TLL1: variants seen among roughly 807,000 people sequenced by gnomAD.
TLL1 encodes the protein tolloid-like protein 1.
TLL1 carries 49 observed loss-of-function variants against 128.2 expected under a neutral mutation model. The observed-to-expected ratio is 0.38, with a 90% CI of 0.30 to 0.48. The LOEUF is 0.48. TLL1 is among the 20% of genes least tolerant of loss of function. The pLI, the probability that TLL1 is intolerant of heterozygous loss-of-function variation, is 0.96. For synonymous variants in TLL1, 454 were observed against 418.8 expected (o/e 1.08, Z -1.03); for missense variants, 1,123 against 1,242.0 (o/e 0.90, Z 1.44).
Position 165,925,555 on chromosome 4 carries a change from A to C in TLL1, c.169+51482A>C, listed in dbSNP as rs565308783. On this transcript the variant is annotated intron_variant, in intron 1 of 20. Coordinates refer to ENST00000061240, the MANE Select transcript of TLL1 (RefSeq NM_012464.5). The stretch of plus-strand genomic sequence containing the variant: ...TGAGCAAAGAAAGGGGTTTCTTGAG[A>C]TAGAATATACCCCAGGTGAAGATGC... 3.3e-5 allele frequency among the ~76,000 whole-genome samples: 5 copies of C among 152,342 alleles called. No homozygotes were observed. In the East Asian group the frequency reaches 9.6e-4, roughly 29 times the overall value.
intron 1 of TLL1, among the ~76,000 whole-genome samples, chr4:165,909,235 C>T (rs1732414542): frequency 6.6e-6 from 1 of 152,044 alleles, no homozygotes; most frequent in Non-Finnish European, 1.5e-5. Flanking sequence ...AAAACTTGAG[C>T]AACTGGAAGT....
intron 1 of TLL1, among the ~76,000 whole-genome samples, chr4:165,958,399 C>T (rs1334752968): frequency 1.0e-5 from 1 of 98,754 alleles, no homozygotes; most frequent in Non-Finnish European, 2.0e-5. Context: ...TAATGATTGC[C>T]ATTCTAACTG....
Position 165,995,045 on chromosome 4 carries a change from C to T in TLL1, c.515-16C>T, listed in dbSNP as rs1000733374. ...GGGGATGCCACCTTTTCATTAACAT[C>T]ACACATTTTTTCTAGGCAGCCAGAG... is the stretch of plus-strand genomic sequence containing the variant. On this transcript the variant is annotated splice_polypyrimidine_tract_variant and intron_variant, in intron 4 of 20. Transcript: ENST00000061240. 6.2e-7 allele frequency: 1 copy of T among 1,606,006 alleles called. No individual in the cohort carries two copies. Among genetic ancestry groups the T allele is most frequent in the African/African-American group, 1.3e-5 (1 of 74,720 alleles).
At chr4:166,057,514 C>T (rs1462437376) in intron 14 of TLL1, among the ~76,000 whole-genome samples, 1 of 152,094 alleles carries the variant, frequency 6.6e-6, no homozygotes, top group African/African-American at 2.4e-5. Context: ...CCTTTGATTA[C>T]CAGGCCACCT....
At chr4:166,055,552 T>C (rs1019788218) in intron 13 of TLL1, among the ~76,000 whole-genome samples, 1 of 152,090 alleles carries the variant, frequency 6.6e-6, no homozygotes, top group African/African-American at 2.4e-5. Context: ...AAAGAAAATA[T>C]TTGCAATGAA....
Position 166,014,424 on chromosome 4 carries a change from G to A in TLL1, c.918-12G>A, listed in dbSNP as rs1579624646. 6.8e-6 allele frequency: 11 copies of A among 1,611,656 alleles called. No individual in the cohort carries two copies. In the East Asian group the frequency reaches 2.5e-4, roughly 36 times the overall value. ...GGTGACTTAGGTGTGGTTTGCTTCT[G>A]CTTTTTTTCAGGGGGATGTTTCTGG... On this transcript the variant is annotated splice_polypyrimidine_tract_variant and intron_variant, in intron 7 of 20. Transcript: ENST00000061240.
chr4:166,046,447 C>T (rs1739464681), intron 12 of TLL1, among the ~76,000 whole-genome samples: 1 of 152,170 alleles, frequency 6.6e-6, no homozygotes, highest in Non-Finnish European at 1.5e-5. Flanking sequence ...ATGCCGCTAA[C>T]CTAGTATCAC....
chr4:165,905,050 A>G (rs1312829786), intron 1 of TLL1, among the ~76,000 whole-genome samples: 2 of 152,198 alleles, frequency 1.3e-5, no homozygotes, highest in Non-Finnish European at 2.9e-5. Flanking sequence ...GTACCCCTCC[A>G]AATGCCTGAT....
At chr4:166,043,644 G>A (rs773919967) in intron 12 of TLL1, among the ~76,000 whole-genome samples, 68 of 152,134 alleles carry the variant, frequency 4.5e-4, no homozygotes, top group Non-Finnish European at 7.4e-4. Context: ...TACATTATCT[G>A]TGCTATTTGA....
chr4:166,020,813 A>G (rs189995668), intron 8 of TLL1, among the ~76,000 whole-genome samples: 17 of 152,288 alleles, frequency 1.1e-4, no homozygotes, highest in African/African-American at 3.6e-4. Flanking sequence ...TATAACATAA[A>G]TTGATAATCT....
At chr4:165,928,757 A>G (rs894607049) in intron 1 of TLL1, among the ~76,000 whole-genome samples, 4 of 152,226 alleles carry the variant, frequency 2.6e-5, no homozygotes, top group African/African-American at 9.6e-5. Context: ...AAGCACACAC[A>G]GCCTCATTTA....
intron 1 of TLL1, among the ~76,000 whole-genome samples, chr4:165,880,067 A>G (rs918275547): frequency 6.6e-6 from 1 of 152,156 alleles, no homozygotes; most frequent in Admixed American, 6.5e-5. Context: ...GGGAAGGAAA[A>G]CTTAAAAAAT....
intron 1 of TLL1, among the ~76,000 whole-genome samples, chr4:165,969,264 A>G (rs946965013): frequency 1.3e-5 from 2 of 152,078 alleles, no homozygotes; most frequent in Non-Finnish European, 2.9e-5. Context: ...GGTTGACCAG[A>G]TATCTTCAGT....
chr4:165,973,261 G>A (rs1161627505), intron 1 of TLL1, among the ~76,000 whole-genome samples: 1 of 152,032 alleles, frequency 6.6e-6, no homozygotes, highest in Non-Finnish European at 1.5e-5. Context: ...TGATAGTGCA[G>A]CCTTTACCAT....
At chr4:165,957,303 C>G (rs1734850062) in intron 1 of TLL1, among the ~76,000 whole-genome samples, 1 of 152,056 alleles carries the variant, frequency 6.6e-6, no homozygotes, top group Non-Finnish European at 1.5e-5. Context: ...GAAGACTTTA[C>G]TATCCTAAAT....
intron 18 of TLL1, among the ~76,000 whole-genome samples, chr4:166,079,084 C>T (rs961631610): frequency 9.9e-5 from 15 of 152,110 alleles, no homozygotes; most frequent in African/African-American, 3.4e-4. Flanking sequence ...CAATTCATTT[C>T]AGCCACACTG....
At chr4:166,065,607 G>T in intron 15 of TLL1, 76 bp from the exon 16 acceptor site, 1 of 1,513,906 alleles carries the variant, frequency 6.6e-7, no homozygotes, top group Non-Finnish European at 9.1e-7. Flanking sequence ...GGAAAAATAA[G>T]ATATGTTTTT....
chr4:166,091,649 A>G (rs941021703), intron 19 of TLL1, among the ~76,000 whole-genome samples: 1 of 152,096 alleles, frequency 6.6e-6, no homozygotes, highest in Admixed American at 6.6e-5. Context: ...TCATATTAAC[A>G]TTAGCAGTTT....
rs978572983 is a variant in TLL1 at position 166,103,432 on chromosome 4, T to G, written c.*2556T>G. On this transcript the variant is annotated 3_prime_UTR_variant, in exon 21 of 21. Coordinates refer to ENST00000061240, the MANE Select transcript of TLL1 (RefSeq NM_012464.5). Reference sequence around the variant, plus strand: ...TTGTGAAAATAAATATATTAAATTATTTTGCCTGATGTGGTAGGGGAAATG... The same window carrying G: ...TTGTGAAAATAAATATATTAAATTAGTTTGCCTGATGTGGTAGGGGAAATG... The G allele has an allele frequency of 3.3e-5, 5 of 151,798 alleles. No homozygotes were observed. The highest frequency in any genetic ancestry group is 1.2e-4 in the African/African-American group (5 of 41,406). 9.4% of individuals were successfully genotyped at this position (151,798 alleles called of 1,614,324 possible).
Sources: allele counts gnomAD v4.1 joint callset (sites outside exome capture counted in the v4.1 genomes callset), GRCh38; gene constraint gnomAD v4.1.1; transcripts MANE v1.5; gene names NCBI Gene and HGNC (gene_info 2026-07-23, HGNC 2026-07-21).